The following LRP1B variants were observed in gnomAD, a reference collection of about 807,000 sequenced individuals.
LRP1B encodes the protein low-density lipoprotein receptor-related protein 1B.
A neutral mutation model predicts 556.6 loss-of-function variants in LRP1B; 217 were observed. The ratio of observed to expected loss-of-function variants is 0.39; its 90% CI spans 0.35 to 0.44. The LOEUF (loss-of-function observed/expected upper bound fraction) is 0.44. LRP1B is among the 20% of genes least tolerant of loss of function. The pLI, the probability that LRP1B is intolerant of heterozygous loss-of-function variation, is 1.00. For missense variants in LRP1B, 5,053 were observed against 5,620.8 expected, an observed-to-expected ratio of 0.90 and a Z score of 3.23; for synonymous variants, 2,047 against 1,865.8, an observed-to-expected ratio of 1.10 and a Z score of -2.50.
rs1363367196 is a variant in LRP1B at position 141,363,888 on chromosome 2, A to T, written c.344-109247T>A. 2.0e-5 allele frequency among the ~76,000 whole-genome samples: 3 copies of T among 152,290 alleles called. No homozygotes were observed. The East Asian group carries it at 5.8e-4, about 29-fold the overall frequency. ...AATTTCCCCAATTATAATTTGTTAA[A>T]ACGTATATTTATTCTACAAATAAAT... On this transcript the variant is annotated intron_variant, in intron 3 of 90. Transcript: ENST00000389484.
intron 21 of LRP1B, among the ~76,000 whole-genome samples, chr2:140,915,904 T>C (rs569902416): frequency 2.0e-5 from 3 of 151,786 alleles, no homozygotes; most frequent in Non-Finnish European, 4.4e-5. Context: ...GGCAGGCGCC[T>C]GTACTCCCAG....
chr2:141,836,046 T>C (rs1697266503), intron 1 of LRP1B, among the ~76,000 whole-genome samples: 1 of 151,934 alleles, frequency 6.6e-6, no homozygotes, highest in Admixed American at 6.6e-5. Context: ...AGGACACATA[T>C]AAACAAAATG....
At chr2:141,373,145 T>G (rs1383151462) in intron 3 of LRP1B, among the ~76,000 whole-genome samples, 1 of 152,112 alleles carries the variant, frequency 6.6e-6, no homozygotes, top group Admixed American at 6.5e-5. Context: ...TGTATTTGTA[T>G]AGTTAATAAG....
chr2:140,846,772 A>G (rs555105545), intron 29 of LRP1B, among the ~76,000 whole-genome samples: 24 of 152,224 alleles, frequency 1.6e-4, no homozygotes, highest in African/African-American at 5.3e-4. Flanking sequence ...AAGAAGAGAA[A>G]GGTTTCCACA....
chr2:141,891,824 A>G (rs551133082), intron 1 of LRP1B, among the ~76,000 whole-genome samples: 49 of 152,218 alleles, frequency 3.2e-4, no homozygotes, highest in African/African-American at 1.1e-3. Flanking sequence ...ATCAAACGGA[A>G]AACTTTCAGT....
chr2:141,464,606 A>ATATATATATATTTTTTTTTTT, intron 3 of LRP1B, among the ~76,000 whole-genome samples: 1 of 90,552 alleles, frequency 1.1e-5, no homozygotes, highest in African/African-American at 4.3e-5. Flanking sequence ...ATATATATAT[A>ATATATATATATTTTTTTTTTT]TTTTTTTAGT....
chr2:141,529,334 T>C (rs1262416214), intron 2 of LRP1B, among the ~76,000 whole-genome samples: 2 of 152,200 alleles, frequency 1.3e-5, no homozygotes, highest in Non-Finnish European at 2.9e-5. Flanking sequence ...TAATAGATAT[T>C]TGATGTGAAA....
intron 1 of LRP1B, among the ~76,000 whole-genome samples, chr2:141,824,443 T>C (rs1574402188): frequency 6.6e-6 from 1 of 152,284 alleles, no homozygotes; most frequent in Non-Finnish European, 1.5e-5. Flanking sequence ...CACTGCAAGC[T>C]CCGCCTCCCA....
chr2:140,576,868 T>A (rs1681546105), intron 43 of LRP1B, among the ~76,000 whole-genome samples: 1 of 152,200 alleles, frequency 6.6e-6, no homozygotes, highest in Admixed American at 6.5e-5. Context: ...CTCTCTCCTT[T>A]CTTACAGGCT....
intron 14 of LRP1B, among the ~76,000 whole-genome samples, chr2:141,007,170 G>A (rs1413805907): frequency 6.6e-6 from 1 of 151,730 alleles, no homozygotes; most frequent in African/African-American, 2.4e-5. Context: ...TACCAGAAAC[G>A]TGATTAAAGT....
intron 1 of LRP1B, among the ~76,000 whole-genome samples, chr2:141,876,837 A>G (rs1340865270): frequency 6.6e-6 from 1 of 151,950 alleles, no homozygotes; most frequent in Non-Finnish European, 1.5e-5. Flanking sequence ...ACAAATGTCT[A>G]TACCTGAAAA....
At chr2:141,028,009 G>C (rs921213704) in intron 11 of LRP1B, among the ~76,000 whole-genome samples, 4 of 151,948 alleles carry the variant, frequency 2.6e-5, no homozygotes, top group Non-Finnish European at 5.9e-5. Flanking sequence ...CCAGTCTATG[G>C]TACTTTTTTA....
intron 35 of LRP1B, among the ~76,000 whole-genome samples, chr2:140,768,310 C>T (rs1262612818): frequency 6.6e-6 from 1 of 151,740 alleles, no homozygotes; most frequent in African/African-American, 2.4e-5. Context: ...TGCAAGATTA[C>T]AATGATTCTT....
At chr2:141,111,321 GA>G (rs201852578) in intron 7 of LRP1B, among the ~76,000 whole-genome samples, 50 of 151,746 alleles carry the variant, frequency 3.3e-4, no homozygotes, top group Admixed American at 2.5e-3. Context: ...GAGGAAAGCT[GA>G]AAAAAAATGC....
At position 141,690,440 on chromosome 2, in the gene LRP1B, T is replaced by A. The variant is rs1289047370; in HGVS notation, c.205+119839A>T. On this transcript the variant is annotated intron_variant, in intron 2 of 90. Transcript: ENST00000389484. ...ATATATATATATATATATATATATATAATTACAAATATAAATACATTAGTC... is the reference window on the plus strand; with the variant it reads ...ATATATATATATATATATATATATAAAATTACAAATATAAATACATTAGTC... Among the ~76,000 whole-genome samples the A allele has an allele frequency of 1.4e-3, 191 of 132,810 alleles. 4 individuals carry two copies. Among genetic ancestry groups the A allele is most frequent in the African/African-American group, 4.7e-3 (171 of 36,136 alleles). 87.1% of individuals were successfully genotyped at this position (132,810 alleles called of 152,430 possible).
At chr2:141,063,536 C>T (rs1001626067) in intron 7 of LRP1B, among the ~76,000 whole-genome samples, 3 of 151,688 alleles carry the variant, frequency 2.0e-5, no homozygotes, top group African/African-American at 7.3e-5. Flanking sequence ...TCTTTCTAGT[C>T]TAGTGAAGAA....
At chr2:141,623,413 A>G (rs1688576834) in intron 2 of LRP1B, among the ~76,000 whole-genome samples, 1 of 152,164 alleles carries the variant, frequency 6.6e-6, no homozygotes, top group African/African-American at 2.4e-5. Context: ...GACCAAGCGG[A>G]ATTCCAAAGA....
intron 1 of LRP1B, among the ~76,000 whole-genome samples, chr2:141,871,390 C>T (rs547883232): frequency 1.3e-5 from 2 of 152,098 alleles, no homozygotes; most frequent in East Asian, 3.9e-4. Flanking sequence ...GCATTATTTA[C>T]TAAGTGAACA....
At chr2:141,080,160 A>G (rs1574053327) in intron 7 of LRP1B, among the ~76,000 whole-genome samples, 1 of 152,348 alleles carries the variant, frequency 6.6e-6, no homozygotes, top group East Asian at 1.9e-4. Context: ...AAATTGATCA[A>G]GAAGCCCTTA....
Sources: gnomAD v4.1 joint callset for allele counts (sites outside exome capture counted in the v4.1 genomes callset) on GRCh38, gnomAD v4.1.1 for gene constraint, MANE v1.5 for transcripts, NCBI Gene and HGNC (gene_info 2026-07-23, HGNC 2026-07-21) for gene names.